MNAT1: variants seen among roughly 807,000 people sequenced by gnomAD.
The protein encoded by MNAT1 is CDK-activating kinase assembly factor MAT1.
A neutral mutation model predicts 42.0 loss-of-function variants in MNAT1; 43 were observed. That is an observed-to-expected ratio of 1.02 (90% CI 0.80 to 1.32). The LOEUF is 1.32. Ranked by LOEUF, MNAT1 falls within the 40% of genes most tolerant of loss-of-function variation. The pLI, the probability that MNAT1 is intolerant of heterozygous loss-of-function variation, is 0.00. For missense variants in MNAT1, 306 were observed against 350.4 expected (o/e 0.87, Z 1.01); for synonymous variants, 118 against 120.0 (o/e 0.98, Z 0.11).
intron 6 of MNAT1, among the ~76,000 whole-genome samples, chr14:60,862,174 A>G (rs948151289): frequency 2.0e-5 from 3 of 152,216 alleles, no homozygotes; most frequent in Admixed American, 6.5e-5. Flanking sequence ...TGCTAAAGAC[A>G]GCAAGGCAAG....
At chr14:60,941,954 A>G (rs914644646) in intron 7 of MNAT1, among the ~76,000 whole-genome samples, 1 of 135,918 alleles carries the variant, frequency 7.4e-6, no homozygotes, top group Non-Finnish European at 1.6e-5. Context: ...CAGTGAGCCG[A>G]GATCGCACCA....
In MNAT1 at chr14:60,909,121, CT is replaced by C. The variant is rs1270008661; in HGVS notation, c.809+29290del. Among the ~76,000 whole-genome samples, 3 of 152,202 alleles carry C rather than the reference CT, an allele frequency of 2.0e-5. No individual in the cohort carries two copies. In the East Asian group the frequency reaches 5.8e-4, roughly 29 times the overall value. ...TGTCTGTTGGCTGCATAAATCTCTT[CT>C]TTTGAGAAGTGTGTGTTCATATCCT... is the stretch of plus-strand genomic sequence containing the variant. On this transcript the variant is annotated intron_variant, in intron 7 of 7. Coordinates refer to ENST00000261245, the MANE Select transcript of MNAT1 (RefSeq NM_002431.4).
At chr14:60,777,175 T>A (rs180967136) in intron 1 of MNAT1, among the ~76,000 whole-genome samples, 90 of 152,268 alleles carry the variant, frequency 5.9e-4, no homozygotes, top group Non-Finnish European at 1.1e-3. Flanking sequence ...AGGAAGTTAA[T>A]TTGAGTAGTT....
At chr14:60,920,970 G>A (rs184693108) in intron 7 of MNAT1, among the ~76,000 whole-genome samples, 15 of 152,200 alleles carry the variant, frequency 9.9e-5, no homozygotes, top group Admixed American at 5.9e-4. Context: ...GTAATTTATC[G>A]TTATCATGTT....
At chr14:60,839,753 A>G (rs1341846166) in intron 6 of MNAT1, among the ~76,000 whole-genome samples, 2 of 152,226 alleles carry the variant, frequency 1.3e-5, no homozygotes, top group South Asian at 2.1e-4. Flanking sequence ...AGTGGAAGCC[A>G]CTTGCGGTGC....
chr14:60,861,395 T>C (rs1474583493), intron 6 of MNAT1, among the ~76,000 whole-genome samples: 2 of 152,130 alleles, frequency 1.3e-5, no homozygotes, highest in Non-Finnish European at 2.9e-5. Context: ...TTGTTCAAAA[T>C]GTTAAAGTTT....
chr14:60,837,275 A>G (rs773202893), intron 6 of MNAT1, among the ~76,000 whole-genome samples: 1 of 152,174 alleles, frequency 6.6e-6, no homozygotes, highest in Non-Finnish European at 1.5e-5. Flanking sequence ...GTTATGAAAA[A>G]AGAAACTGCA....
At chr14:60,739,369 C>T (rs765937671) in intron 1 of MNAT1, among the ~76,000 whole-genome samples, 11 of 151,608 alleles carry the variant, frequency 7.3e-5, no homozygotes, top group Admixed American at 6.6e-5. Context: ...GGCTGGCTTC[C>T]GCAGGATTTT....
intron 7 of MNAT1, among the ~76,000 whole-genome samples, chr14:60,949,999 T>C (rs1163076315): frequency 6.6e-6 from 1 of 152,186 alleles, no homozygotes; most frequent in Non-Finnish European, 1.5e-5. Flanking sequence ...CAATTTTTAC[T>C]GGCTGGAAAA....
intron 1 of MNAT1, among the ~76,000 whole-genome samples, chr14:60,744,009 T>C (rs1350470224): frequency 6.6e-6 from 1 of 152,216 alleles, no homozygotes; most frequent in African/African-American, 2.4e-5. Flanking sequence ...TTTAGTTCTT[T>C]GAATGCATTT....
intron 6 of MNAT1, among the ~76,000 whole-genome samples, chr14:60,856,123 C>T (rs2033954074): frequency 6.6e-6 from 1 of 152,162 alleles, no homozygotes; most frequent in Admixed American, 6.5e-5. Flanking sequence ...CCAAGATAGC[C>T]AAAAGCTAGT....
chr14:60,901,981 G>C, intron 7 of MNAT1, among the ~76,000 whole-genome samples: 1 of 152,320 alleles, frequency 6.6e-6, no homozygotes. Context: ...AAGTTCTGCT[G>C]TAAGTAAAAT....
chr14:60,755,959 A>G (rs1035032449), intron 1 of MNAT1, among the ~76,000 whole-genome samples: 4 of 152,232 alleles, frequency 2.6e-5, no homozygotes, highest in Non-Finnish European at 5.9e-5. Context: ...CTTTCTAAAA[A>G]TGTATCTCTG....
intron 7 of MNAT1, among the ~76,000 whole-genome samples, chr14:60,961,671 ATCACGAAGGCTTTGT>A (rs1423351536): frequency 7.9e-5 from 12 of 152,162 alleles, no homozygotes; most frequent in African/African-American, 2.9e-4. Flanking sequence ...GGTCAATGAG[ATCACGAAGGCTTTGT>A]TCTCTGTCTT....
At chr14:60,930,300 G>C (rs1428953164) in intron 7 of MNAT1, among the ~76,000 whole-genome samples, 1 of 149,836 alleles carries the variant, frequency 6.7e-6, no homozygotes, top group African/African-American at 2.5e-5. Context: ...AACATCTCTT[G>C]TTCATTTTTG....
At chr14:60,763,162 A>C (rs371549779) in intron 1 of MNAT1, among the ~76,000 whole-genome samples, 2 of 152,186 alleles carry the variant, frequency 1.3e-5, no homozygotes, top group Admixed American at 1.3e-4. Flanking sequence ...TAATTTACAC[A>C]ATTTTCATTG....
At chr14:60,927,498 AGG>A (rs1285190624) in intron 7 of MNAT1, among the ~76,000 whole-genome samples, 1 of 152,244 alleles carries the variant, frequency 6.6e-6, no homozygotes, top group Non-Finnish European at 1.5e-5. Flanking sequence ...ACAGTCTCAC[AGG>A]GCCCCATGCC....
intron 1 of MNAT1, among the ~76,000 whole-genome samples, chr14:60,758,169 C>G (rs2030440140): frequency 1.3e-5 from 2 of 151,942 alleles, no homozygotes; most frequent in Non-Finnish European, 2.9e-5. Context: ...ATCCTATTCC[C>G]CTTGTAGTCT....
At chr14:60,882,621 A>G (rs534024680) in intron 7 of MNAT1, among the ~76,000 whole-genome samples, 1 of 152,162 alleles carries the variant, frequency 6.6e-6, no homozygotes, top group Non-Finnish European at 1.5e-5. Context: ...GCTGGATCAT[A>G]TAGTAGCTCT....
Sources: gnomAD v4.1 joint callset for allele counts (sites outside exome capture counted in the v4.1 genomes callset) on GRCh38, gnomAD v4.1.1 for gene constraint, MANE v1.5 for transcripts, NCBI Gene and HGNC (gene_info 2026-07-23, HGNC 2026-07-21) for gene names.